Variants in IQGAP1 observed in about 807,000 individuals in gnomAD.
IQGAP1 encodes the protein IQ motif containing GTPase activating protein 1.
IQGAP1 carries 66 observed loss-of-function variants against 215.6 expected under a neutral mutation model. The ratio of observed to expected loss-of-function variants is 0.31; its 90% CI spans 0.25 to 0.38. The LOEUF (loss-of-function observed/expected upper bound fraction) is 0.38, where lower values mean the gene tolerates loss of function less well. IQGAP1 is among the 10% of genes least tolerant of loss of function. The pLI is 1.00. For missense variants in IQGAP1, 1,712 were observed against 1,997.1 expected (o/e 0.86, Z 2.72); for synonymous variants, 772 against 728.7 (o/e 1.06, Z -0.96).
At chr15:90,486,271 T>C in intron 31 of IQGAP1, 139 bp downstream of exon 31, 1 of 566,964 alleles carries the variant, frequency 1.8e-6, no homozygotes, top group Non-Finnish European at 3.1e-6. Context: ...TCCTGATAGT[T>C]TCATAAGAGA....
At chr15:90,443,258 C>G (rs751715722) in intron 8 of IQGAP1, 136 bp from the exon 9 acceptor site, 39 of 538,752 alleles carry the variant, frequency 7.2e-5, no homozygotes, top group Non-Finnish European at 8.0e-5. Flanking sequence ...ACTGTGCCTG[C>G]TTTGTTCTTT....
intron 32 of IQGAP1, 32 bp from the exon 33 acceptor site, chr15:90,487,463 A>C: frequency 6.7e-7 from 1 of 1,496,030 alleles, no homozygotes; most frequent in Non-Finnish European, 9.3e-7. Context: ...GAACACTGGT[A>C]ATATTTAAAT....
chr15:90,490,123 T>C (rs1291306588), intron 33 of IQGAP1, among the ~76,000 whole-genome samples: 1 of 152,230 alleles, frequency 6.6e-6, no homozygotes, highest in Non-Finnish European at 1.5e-5. Context: ...GTTTGAACTA[T>C]GAGCCATCCC....
intron 25 of IQGAP1, 67 bp downstream of exon 25, chr15:90,477,297 C>G (rs1965993604): frequency 1.5e-6 from 2 of 1,290,938 alleles, no homozygotes; most frequent in Non-Finnish European, 2.2e-6. Flanking sequence ...GTTTGAGATT[C>G]ATGCCTTCCT....
chr15:90,467,199 T>G (rs1003333750), intron 17 of IQGAP1, among the ~76,000 whole-genome samples: 3 of 152,244 alleles, frequency 2.0e-5, no homozygotes, highest in African/African-American at 7.2e-5. Context: ...ACAAAGTTAA[T>G]CATGGTTAAT....
chr15:90,406,865 A>G (rs1363493004), intron 2 of IQGAP1, among the ~76,000 whole-genome samples: 1 of 152,218 alleles, frequency 6.6e-6, no homozygotes, highest in Non-Finnish European at 1.5e-5. Flanking sequence ...GTTAGTGGGA[A>G]TAACGTTGGT....
intron 2 of IQGAP1, among the ~76,000 whole-genome samples, chr15:90,409,143 C>T (rs1964921159): frequency 6.6e-6 from 1 of 151,930 alleles, no homozygotes; most frequent in African/African-American, 2.4e-5. Context: ...AGCACATGAA[C>T]ATCCTCACCC....
At chr15:90,405,951 T>A (rs1964872155) in intron 2 of IQGAP1, among the ~76,000 whole-genome samples, 1 of 152,198 alleles carries the variant, frequency 6.6e-6, no homozygotes, top group African/African-American at 2.4e-5. Flanking sequence ...CTCCGTTGAG[T>A]TATCCTGTTC....
intron 9 of IQGAP1, 112 bp downstream of exon 9, chr15:90,443,590 G>A (rs914738036): frequency 3.8e-5 from 24 of 624,638 alleles, no homozygotes; most frequent in Admixed American, 9.4e-5. Context: ...GACATTCGTG[G>A]ATTTGTTTAG....
intron 18 of IQGAP1, among the ~76,000 whole-genome samples, chr15:90,468,350 C>G (rs1965860174): frequency 2.0e-5 from 3 of 152,174 alleles, no homozygotes; most frequent in Non-Finnish European, 4.4e-5. Context: ...CAGGCGTGAG[C>G]CAGCACACCC....
intron 2 of IQGAP1, among the ~76,000 whole-genome samples, chr15:90,399,567 A>G (rs903622476): frequency 6.6e-6 from 1 of 152,168 alleles, no homozygotes; most frequent in Non-Finnish European, 1.5e-5. Context: ...ATTGAGTTTA[A>G]ATGTCAGTCT....
intron 24 of IQGAP1, 104 bp from the exon 25 acceptor site, chr15:90,476,963 C>A: frequency 7.4e-7 from 1 of 1,353,564 alleles, no homozygotes. Context: ...ATTTATTAAT[C>A]TTTTTTCTCA....
intron 23 of IQGAP1, among the ~76,000 whole-genome samples, chr15:90,475,168 T>C (rs1965961655): frequency 6.6e-6 from 1 of 152,076 alleles, no homozygotes; most frequent in African/African-American, 2.4e-5. Context: ...CCTGGTAATT[T>C]TTGTATTTTT....
chr15:90,388,385 C>T lies in IQGAP1; in HGVS notation c.44C>T (p.Pro15Leu). The part of the protein sequence containing the change: ...DEVDGLGVAR[P>L]HYGSVLDNER... The stretch of plus-strand genomic sequence containing the variant: ...GTTGACGGGCTGGGCGTGGCCCGGC[C>T]GCACTATGGCTGTGAGTGCGGGGCT... The change falls in exon 1 of 38, where the codon CCG (proline) becomes CTG (leucine). Residue 15 changes from proline (P) to leucine (L), a missense_variant. Transcript: ENST00000268182. The T allele has an allele frequency of 6.3e-7, 1 of 1,587,000 alleles. No homozygotes were observed. The highest frequency in any genetic ancestry group is 8.6e-7 in the Non-Finnish European group (1 of 1,168,842).
intron 33 of IQGAP1, among the ~76,000 whole-genome samples, chr15:90,488,816 A>G (rs1272885468): frequency 6.6e-6 from 1 of 152,214 alleles, no homozygotes; most frequent in East Asian, 1.9e-4. Flanking sequence ...AGGGAAGAGC[A>G]TGATGCGACT....
At chr15:90,454,280 A>G (rs1228438624) in intron 13 of IQGAP1, 148 bp from the exon 14 acceptor site, 2 of 727,790 alleles carry the variant, frequency 2.7e-6, no homozygotes, top group East Asian at 2.9e-5. Flanking sequence ...TTTCTGTTGC[A>G]TTTTTGCACT....
At position 90,500,259 on chromosome 15, in the gene IQGAP1, C is replaced by T. The variant is rs75089733; in HGVS notation, c.*151C>T. 60 of 580,560 alleles carry T rather than the reference C, an allele frequency of 1.0e-4. No individual in the cohort carries two copies. The East Asian group carries it at 1.5e-3, about 14-fold the overall frequency. The allele number at this position is 580,560 out of a possible 1,614,324, so 36.0% of individuals were successfully genotyped here. A position where few individuals can be genotyped will look rare whatever the true frequency, so the allele number is the denominator to read the frequency against. Reference sequence around the variant, plus strand: ...CCGATGCCACATTTTTAACTCCTCTCGCTCTGATGGGACATTTGTTACCCT... The same window carrying T: ...CCGATGCCACATTTTTAACTCCTCTTGCTCTGATGGGACATTTGTTACCCT... On this transcript the variant is annotated 3_prime_UTR_variant, in exon 38 of 38. Coordinates refer to ENST00000268182, the MANE Select transcript of IQGAP1 (RefSeq NM_003870.4).
Position 90,456,278 on chromosome 15 carries a change from A to G in IQGAP1, c.1739A>G (p.Gln580Arg), listed in dbSNP as rs768185498. The change falls in exon 15 of 38, where the codon CAA becomes CGA. Residue 580 changes from glutamine (Q) to arginine (R), a missense_variant. Coordinates refer to ENST00000268182, the MANE Select transcript of IQGAP1 (RefSeq NM_003870.4). Reference sequence around the variant, plus strand: ...CTTGCAGAAGTGGCCCAGCATTACCAAGACACGCTGATTAGAGCGAAGAGA... The same window carrying G: ...CTTGCAGAAGTGGCCCAGCATTACCGAGACACGCTGATTAGAGCGAAGAGA... The part of the protein sequence containing the change: ...GVLAEVAQHY[Q>R]DTLIRAKREK... 5.6e-6 allele frequency: 9 copies of G among 1,614,082 alleles called. No individual in the cohort carries two copies. The South Asian group carries it at 8.8e-5, about 16-fold the overall frequency.
At chr15:90,451,870 G>A (rs1965608848) in intron 11 of IQGAP1, among the ~76,000 whole-genome samples, 1 of 146,736 alleles carries the variant, frequency 6.8e-6, no homozygotes, top group Non-Finnish European at 1.5e-5. Context: ...TCACTCTGTT[G>A]CCAGGCTGGA....
Sources: gnomAD v4.1 joint callset for allele counts (sites outside exome capture counted in the v4.1 genomes callset) on GRCh38, gnomAD v4.1.1 for gene constraint, MANE v1.5 for transcripts, NCBI Gene and HGNC (gene_info 2026-07-23, HGNC 2026-07-21) for gene names.